Variants in SLC2A6 observed in about 807,000 individuals in gnomAD.
SLC2A6 encodes solute carrier family 2, facilitated glucose transporter member 6.
SLC2A6 carries 39 observed loss-of-function variants against 47.8 expected under a neutral mutation model. That is an observed-to-expected ratio of 0.82 (90% confidence interval 0.63 to 1.07). The LOEUF (loss-of-function observed/expected upper bound fraction) is 1.07, where lower values mean the gene tolerates loss of function less well. SLC2A6 is among the 50% of genes least tolerant of loss of function. The probability of loss-of-function intolerance (pLI) is 0.00; values close to 1 mark genes in which losing one functional copy is unlikely to be tolerated. For synonymous variants in SLC2A6, 346 were observed against 324.1 expected, an observed-to-expected ratio of 1.07 and a Z score of -0.73; for missense variants, 650 against 707.6, an observed-to-expected ratio of 0.92 and a Z score of 0.92.
At chr9:133,474,881 A>C in intron 6 of SLC2A6, 80 bp downstream of exon 6, 1 of 1,386,026 alleles carries the variant, frequency 7.2e-7, no homozygotes, top group Admixed American at 2.9e-5. Flanking sequence ...GGGTAAGTGC[A>C]GGAGCAGGCC....
Position 133,478,390 on chromosome 9 carries a change from AG to A in SLC2A6, c.118del (p.Leu40TrpfsTer37), listed in dbSNP as rs1554803914. ...VGTLQNKRVFLATFAAVLGNF... is the reference protein window; with the variant it reads ...VGTLQNKRVFXATFAAVLGNF... The stretch of plus-strand genomic sequence containing the variant: ...GCCGAGCACTGCGGCGAAGGTGGCC[AG>A]GAACACCCTTTTGTTCTGCAGGGTC... On this transcript the variant is annotated frameshift_variant, in exon 2 of 10. Transcript: ENST00000371899. LOFTEE classifies it high-confidence loss of function. 4 of 1,614,178 alleles carry A rather than the reference AG, an allele frequency of 2.5e-6. No individual in the cohort carries two copies. Among genetic ancestry groups the A allele is most frequent in the Non-Finnish European group, 3.4e-6 (4 of 1,180,030 alleles).
chr9:133,479,055 T>G lies in SLC2A6; in HGVS notation c.5A>C (p.Gln2Pro). 1 of 1,595,624 alleles carries G rather than the reference T, an allele frequency of 6.3e-7. No individual in the cohort carries two copies. Among genetic ancestry groups the G allele is most frequent in the Non-Finnish European group, 8.5e-7 (1 of 1,174,680 alleles). MQEPLLGAEGPD... is the reference protein window; with the variant it reads MPEPLLGAEGPD... ...GCCCTCGGCTCCCAGCAGCGGCTCC[T>G]GCATGGCCGGGTCTCTCTCGGGGCG... Residue 2 changes from glutamine to proline, a missense_variant, in exon 1 of 10, where the codon CAG becomes CCG. Gln to Pro is a moderately conservative substitution (Grantham distance 76). Transcript: ENST00000371899.
chr9:133,472,387 C>A (rs1554801885), intron 9 of SLC2A6, among the ~76,000 whole-genome samples: 1 of 152,120 alleles, frequency 6.6e-6, no homozygotes, highest in African/African-American at 2.4e-5. Context: ...CCCGTCTGCC[C>A]CTCGGCCTTC....
At chr9:133,472,957 T>G in intron 9 of SLC2A6, 148 bp downstream of exon 9, 1 of 815,594 alleles carries the variant, frequency 1.2e-6, no homozygotes, top group Non-Finnish European at 1.9e-6. Context: ...CTCTGGGGTC[T>G]CTGAGTTCAG....
Position 133,478,396 on chromosome 9 carries a change from A to G in SLC2A6, c.113T>C (p.Val38Ala). ...CACTGCGGCGAAGGTGGCCAGGAAC[A>G]CCCTTTTGTTCTGCAGGGTCCTGGT... ...ARVGTLQNKR[V>A]FLATFAAVLG... is the part of the protein sequence containing the mutation. The change falls in exon 2 of 10, where the codon GTG becomes GCG. Residue 38 changes from valine (V) to alanine (A), a missense_variant. Physicochemically the swap from Val to Ala is moderately conservative, Grantham distance 64 (BLOSUM62 0). Transcript: ENST00000371899. 4.3e-6 allele frequency: 7 copies of G among 1,614,076 alleles called. No individual in the cohort carries two copies. The highest frequency in any genetic ancestry group is 1.7e-5 in the Admixed American group (1 of 60,024).
chr9:133,472,096 C>T lies in SLC2A6; in HGVS notation c.1449G>A (p.Val483=). ...LVSLVFTGCC[V]PETKGRSLEQ... ...CCAGGGACCGTCCCTTGGTCTCGGGCACACAGCAGCCTGTGAACACCAGGC... is the reference window on the plus strand; with the variant it reads ...CCAGGGACCGTCCCTTGGTCTCGGGTACACAGCAGCCTGTGAACACCAGGC... Residue 483 remains valine, a synonymous_variant, in exon 10 of 10, where the codon GTG becomes GTA. Coordinates refer to ENST00000371899, the MANE Select transcript of SLC2A6 (RefSeq NM_017585.4). 1 of 1,613,436 alleles carries T rather than the reference C, an allele frequency of 6.2e-7. No individual in the cohort carries two copies. The highest frequency in any genetic ancestry group is 8.5e-7 in the Non-Finnish European group (1 of 1,179,940).
Position 133,474,098 on chromosome 9 carries a change from G to A in SLC2A6, c.928-10C>T, listed in dbSNP as rs1392421076. On this transcript the variant is annotated splice_polypyrimidine_tract_variant and intron_variant, in intron 6 of 9. Coordinates refer to ENST00000371899, the MANE Select transcript of SLC2A6 (RefSeq NM_017585.4). The stretch of plus-strand genomic sequence containing the variant: ...CGTCGTCCTTGGGGGGCTATCGGGG[G>A]GAGACCACCAGGGCTGAGGGACCTG... The A allele has an allele frequency of 2.1e-5, 33 of 1,588,416 alleles. No homozygotes were observed. The highest frequency in any genetic ancestry group is 2.6e-5 in the Non-Finnish European group (30 of 1,169,104).
intron 4 of SLC2A6, 49 bp downstream of exon 4, chr9:133,476,188 A>G: frequency 1.4e-6 from 2 of 1,461,464 alleles, no homozygotes; most frequent in Non-Finnish European, 1.9e-6. Flanking sequence ...CCTTGGCGGC[A>G]CCCACCCCTC....
chr9:133,472,749 G>C (rs990993054), intron 9 of SLC2A6, among the ~76,000 whole-genome samples: 12 of 152,178 alleles, frequency 7.9e-5, no homozygotes, highest in Non-Finnish European at 1.3e-4. Context: ...TGAGGGGGGA[G>C]TGTGGCTGCT....
Position 133,472,193 on chromosome 9 carries a change from G to A in SLC2A6, c.1369-17C>T, listed in dbSNP as rs1843745907. The A allele has an allele frequency of 6.2e-7, 1 of 1,610,926 alleles. No homozygotes were observed. The highest frequency in any genetic ancestry group is 1.7e-5 in the Admixed American group (1 of 59,952). On this transcript the variant is annotated splice_polypyrimidine_tract_variant and intron_variant, in intron 9 of 9. Coordinates refer to ENST00000371899, the MANE Select transcript of SLC2A6 (RefSeq NM_017585.4). ...GAAGGTGCTCTGCGGGTGAAGAGCGGGGCCGGGTCACAGGGAGAAGCTCCA... is the reference window on the plus strand; with the variant it reads ...GAAGGTGCTCTGCGGGTGAAGAGCGAGGCCGGGTCACAGGGAGAAGCTCCA...
intron 5 of SLC2A6, 134 bp from the exon 6 acceptor site, chr9:133,475,247 C>A: frequency 2.9e-6 from 4 of 1,379,376 alleles, no homozygotes; most frequent in Non-Finnish European, 3.8e-6. Flanking sequence ...TACCAGGCCA[C>A]CCAGGCTCTG....
chr9:133,472,286 T>G, intron 9 of SLC2A6, 110 bp from the exon 10 acceptor site: 25 of 1,279,784 alleles, frequency 2.0e-5, no homozygotes, highest in Non-Finnish European at 2.7e-5. Context: ...GGCCTTCATC[T>G]GGTCCTTCCT....
intron 7 of SLC2A6, 70 bp from the exon 8 acceptor site, chr9:133,473,670 T>C: frequency 7.1e-7 from 1 of 1,406,432 alleles, no homozygotes; most frequent in Non-Finnish European, 9.4e-7. Flanking sequence ...GAGCTCCTTC[T>C]GCAGAGCCCC....
intron 6 of SLC2A6, among the ~76,000 whole-genome samples, 173 bp from the exon 7 acceptor site, chr9:133,474,261 G>C (rs1416076906): frequency 6.6e-6 from 1 of 152,256 alleles, no homozygotes; most frequent in Non-Finnish European, 1.5e-5. Context: ...AGCCTATGGG[G>C]CTCCTGGGCA....
chr9:133,474,094 G>A lies in SLC2A6; in HGVS notation c.928-6C>T, dbSNP rs781866324. 117 of 1,589,306 alleles carry A rather than the reference G, an allele frequency of 7.4e-5. No homozygotes were observed. The highest frequency in any genetic ancestry group is 2.3e-4 in the East Asian group (10 of 44,184). On this transcript the variant is annotated splice_region_variant and splice_polypyrimidine_tract_variant and intron_variant, in intron 6 of 9. Transcript: ENST00000371899. ...GCTGCGTCGTCCTTGGGGGGCTATC[G>A]GGGGGAGACCACCAGGGCTGAGGGA...
intron 9 of SLC2A6, among the ~76,000 whole-genome samples, chr9:133,472,606 G>A (rs1554801961): frequency 6.6e-6 from 1 of 152,178 alleles, no homozygotes; most frequent in Non-Finnish European, 1.5e-5. Context: ...ACCACTGCAG[G>A]GACAGCTTAG....
chr9:133,473,974 G>A lies in SLC2A6; in HGVS notation c.1036+6C>T, dbSNP rs1554802472. 6.2e-7 allele frequency: 1 copy of A among 1,600,400 alleles called. No homozygotes were observed. Among genetic ancestry groups the A allele is most frequent in the Non-Finnish European group, 8.5e-7 (1 of 1,172,292 alleles). On this transcript the variant is annotated splice_donor_region_variant and intron_variant, in intron 7 of 9. Transcript: ENST00000371899. ...GGGGCAGGAGGGCTGCCTGCAGGGT[G>A]CTTACCTGAGACGAAGAGCAGCACC...
At chr9:133,473,746 C>T in intron 7 of SLC2A6, 146 bp from the exon 8 acceptor site, 1 of 891,612 alleles carries the variant, frequency 1.1e-6, no homozygotes, top group Non-Finnish European at 1.7e-6. Flanking sequence ...CAAGCTCTGT[C>T]TCCAGCCGCG....
chr9:133,472,147 G>A lies in SLC2A6; in HGVS notation c.1398C>T (p.Phe466=). The part of the protein sequence containing the change: ...VSTFGLQVPF[F]FFAAICLVSL... ...TCACCAAGCAGATGGCCGCGAAGAAGAAGAAAGGCACCTGGAGGCCGAAGG... is the reference window on the plus strand; with the variant it reads ...TCACCAAGCAGATGGCCGCGAAGAAAAAGAAAGGCACCTGGAGGCCGAAGG... The change falls in exon 10 of 10, where the codon TTC becomes TTT. Residue 466 remains phenylalanine (F), a synonymous_variant. Coordinates refer to ENST00000371899, the MANE Select transcript of SLC2A6 (RefSeq NM_017585.4). 6 of 1,613,414 alleles carry A rather than the reference G, an allele frequency of 3.7e-6. No homozygotes were observed. Among genetic ancestry groups the A allele is most frequent in the Non-Finnish European group, 4.2e-6 (5 of 1,179,934 alleles).
Sources: gnomAD v4.1 joint callset for allele counts (sites outside exome capture counted in the v4.1 genomes callset) on GRCh38, gnomAD v4.1.1 for gene constraint, MANE v1.5 for transcripts, NCBI Gene and HGNC (gene_info 2026-07-23, HGNC 2026-07-21) for gene names.